The following C11orf65 variants were observed in gnomAD, a reference collection of about 807,000 sequenced individuals.
C11orf65 encodes chromosome 11 open reading frame 65.
A neutral mutation model predicts 35.3 loss-of-function variants in C11orf65; 38 were observed. The observed-to-expected ratio is 1.08, with a 90% confidence interval of 0.83 to 1.41. C11orf65 has a LOEUF of 1.41. Ranked by LOEUF, C11orf65 falls within the 40% of genes most tolerant of loss-of-function variation. The probability of loss-of-function intolerance (pLI) is 0.00; values close to 1 mark genes in which losing one functional copy is unlikely to be tolerated. For synonymous variants in C11orf65, 105 were observed against 114.4 expected, an observed-to-expected ratio of 0.92 and a Z score of 0.53; for missense variants, 370 against 367.1, an observed-to-expected ratio of 1.01 and a Z score of -0.06.
In C11orf65 at chr11:108,353,777, G is replaced by T. The variant is rs769951912; in HGVS notation, c.227-18485C>A. 3 of 1,613,538 alleles carry T rather than the reference G, an allele frequency of 1.9e-6. No individual in the cohort carries two copies. Among genetic ancestry groups the T allele is most frequent in the Admixed American group, 3.3e-5 (2 of 60,020 alleles). Reference sequence around the variant, plus strand: ...ATTCTTTACTTTAGGTGTTGCTTTTGAACAGGGCAAAATCCTTCCTACTCC... The same window carrying T: ...ATTCTTTACTTTAGGTGTTGCTTTTTAACAGGGCAAAATCCTTCCTACTCC... On this transcript the variant is annotated intron_variant, in intron 2 of 3. Transcript: ENST00000524755.
At chr11:108,382,716 G>A (rs1325515360), downstream of C11orf65, 9 of 933,040 alleles carry the variant, frequency 9.6e-6, no homozygotes, top group African/African-American at 1.8e-5. Flanking sequence ...TGCACTAAAT[G>A]CCTCAAGTAA....
At chr11:108,339,635 C>G (rs1158033281) in intron 2 of C11orf65, among the ~76,000 whole-genome samples, 2 of 152,100 alleles carry the variant, frequency 1.3e-5, no homozygotes, top group South Asian at 2.1e-4. Flanking sequence ...TCAGCTCTTT[C>G]TCCAACAACC....
At chr11:108,415,430 C>T (rs780550339) in intron 3 of C11orf65, among the ~76,000 whole-genome samples, 19 of 152,072 alleles carry the variant, frequency 1.2e-4, no homozygotes, top group Non-Finnish European at 5.9e-5. Flanking sequence ...AGGGAAACTA[C>T]AAGACCGTGA....
At chr11:108,445,559 G>A (rs897098803) in intron 2 of C11orf65, among the ~76,000 whole-genome samples, 2 of 152,110 alleles carry the variant, frequency 1.3e-5, no homozygotes, top group Non-Finnish European at 2.9e-5. Flanking sequence ...GTAGCTGAGG[G>A]TCCTGTCTGT....
chr11:108,452,763 A>G (rs1180304534), intron 2 of C11orf65, among the ~76,000 whole-genome samples: 11 of 152,170 alleles, frequency 7.2e-5, no homozygotes, highest in East Asian at 5.8e-4. Context: ...ATGTCCATCA[A>G]TGATAGACTG....
chr11:108,320,175 G>T, intron 6 of C11orf65: 1 of 780,092 alleles, frequency 1.3e-6, no homozygotes. Flanking sequence ...ATAAAGACTT[G>T]GTGGCTGTGA....
intron 2 of C11orf65, among the ~76,000 whole-genome samples, chr11:108,458,978 G>C (rs898983578): frequency 6.6e-6 from 1 of 152,208 alleles, no homozygotes; most frequent in Non-Finnish European, 1.5e-5. Flanking sequence ...CTAGGCGCTA[G>C]TACGAGTATC....
intron 6 of C11orf65, among the ~76,000 whole-genome samples, chr11:108,401,943 A>G (rs554554709): frequency 6.6e-6 from 1 of 152,250 alleles, no homozygotes; most frequent in Admixed American, 6.5e-5. Flanking sequence ...GAGTATGGCC[A>G]TATCAGTAAG....
intron 2 of C11orf65, among the ~76,000 whole-genome samples, chr11:108,377,414 T>G (rs1038392890): frequency 0.017 from 2,560 of 152,226 alleles, 66 homozygotes; most frequent in African/African-American, 0.058. Context: ...GAAAAGGCCT[T>G]GGACAAAATT....
At chr11:108,456,972 A>C (rs905111746) in intron 2 of C11orf65, among the ~76,000 whole-genome samples, 11 of 152,200 alleles carry the variant, frequency 7.2e-5, no homozygotes, top group African/African-American at 2.4e-4. Context: ...ACTCCTCCAG[A>C]GAATACTTAT....
chr11:108,392,079 G>A (rs779465344), intron 7 of C11orf65, among the ~76,000 whole-genome samples: 3 of 151,268 alleles, frequency 2.0e-5, no homozygotes, highest in East Asian at 3.9e-4. Flanking sequence ...TGTGTGTCTC[G>A]CTCTGTCACC....
Position 108,394,179 on chromosome 11 carries a change from CA to C in C11orf65, c.561-802del, listed in dbSNP as rs11387098. 3.1e-3 allele frequency among the ~76,000 whole-genome samples: 253 copies of C among 82,646 alleles called. 1 individual carries two copies. Among genetic ancestry groups the C allele is most frequent in the African/African-American group, 0.012 (196 of 16,830 alleles). 54.2% of individuals were successfully genotyped at this position (82,646 alleles called of 152,430 possible). On this transcript the variant is annotated intron_variant, in intron 6 of 8. Coordinates refer to ENST00000393084, the MANE Select transcript of C11orf65 (RefSeq NM_152587.5). ...TGGGCGACAGAGCAAGACTCCATCT[CA>C]AAAAAAAAAAAAAAAAAAAGACACA...
chr11:108,356,640 G>C (rs557183309), intron 2 of C11orf65, among the ~76,000 whole-genome samples: 3 of 151,982 alleles, frequency 2.0e-5, no homozygotes, highest in East Asian at 3.9e-4. Context: ...TCAGTCAGAA[G>C]GGATTTTTAT....
intron 3 of C11orf65, among the ~76,000 whole-genome samples, chr11:108,412,889 T>G (rs2092681703): frequency 6.6e-6 from 1 of 152,214 alleles, no homozygotes; most frequent in South Asian, 2.1e-4. Context: ...TGATAATGTA[T>G]GTACTTAACA....
At chr11:108,426,914 C>T (rs1404782080) in intron 3 of C11orf65, among the ~76,000 whole-genome samples, 1 of 152,082 alleles carries the variant, frequency 6.6e-6, no homozygotes, top group Non-Finnish European at 1.5e-5. Flanking sequence ...TTTCACAAAC[C>T]TGACAAAAAC....
intron 6 of C11orf65, among the ~76,000 whole-genome samples, chr11:108,403,409 G>GTGTT (rs2092475416): frequency 1.5e-5 from 1 of 67,304 alleles, no homozygotes; most frequent in Non-Finnish European, 2.8e-5. Flanking sequence ...TGTTTGAGAG[G>GTGTT]TTTTTTTTTT....
intron 3 of C11orf65, among the ~76,000 whole-genome samples, chr11:108,422,836 C>T (rs564980735): frequency 5.5e-4 from 83 of 150,898 alleles, no homozygotes; most frequent in Admixed American, 1.6e-3. Flanking sequence ...GAGCCAAGAT[C>T]GCACCATGGG....
chr11:108,357,652 G>T (rs1591335255), intron 2 of C11orf65, among the ~76,000 whole-genome samples: 1 of 152,196 alleles, frequency 6.6e-6, no homozygotes, highest in East Asian at 1.9e-4. Flanking sequence ...CCCCCGAGCA[G>T]CCTAACTGGG....
At chr11:108,455,113 G>A (rs999599248) in intron 2 of C11orf65, among the ~76,000 whole-genome samples, 3 of 152,072 alleles carry the variant, frequency 2.0e-5, no homozygotes, top group Non-Finnish European at 4.4e-5. Flanking sequence ...TACCTTTAAA[G>A]GTCACATATG....
Sources: allele counts gnomAD v4.1 joint callset (sites outside exome capture counted in the v4.1 genomes callset), GRCh38; gene constraint gnomAD v4.1.1; transcripts MANE v1.5; gene names NCBI Gene and HGNC (gene_info 2026-07-23, HGNC 2026-07-21).